TMEM200A: variants seen among roughly 807,000 people sequenced by gnomAD.
The protein encoded by TMEM200A is two transmembrane C.
Under a neutral mutation model 24.3 loss-of-function variants are expected in TMEM200A, and 12 were observed. The ratio of observed to expected loss-of-function variants is 0.49; its 90% confidence interval spans 0.32 to 0.80. TMEM200A has a LOEUF of 0.80. Ranked by LOEUF, TMEM200A falls within the 30% of genes least tolerant of loss-of-function variation. The pLI, the probability that TMEM200A is intolerant of heterozygous loss-of-function variation, is 0.04. For synonymous variants in TMEM200A, 224 were observed against 224.4 expected (o/e 1.00, Z 0.02); for missense variants, 545 against 614.4 (o/e 0.89, Z 1.19).
chr6:130,410,109 G>T (rs1360621629), intron 2 of TMEM200A, among the ~76,000 whole-genome samples: 1 of 152,114 alleles, frequency 6.6e-6, no homozygotes, highest in African/African-American at 2.4e-5. Context: ...TTAAGTTATG[G>T]AATTGAGCCT....
intron 1 of TMEM200A, among the ~76,000 whole-genome samples, chr6:130,376,841 G>T (rs926658748): frequency 6.6e-6 from 1 of 151,876 alleles, no homozygotes; most frequent in Admixed American, 6.6e-5. Context: ...ATATCACTTG[G>T]TCTTATCACA....
At chr6:130,378,337 C>G (rs913868216) in intron 1 of TMEM200A, among the ~76,000 whole-genome samples, 7 of 151,746 alleles carry the variant, frequency 4.6e-5, no homozygotes, top group Admixed American at 1.3e-4. Flanking sequence ...GATTAAAATC[C>G]CAGGTGTCTG....
intron 2 of TMEM200A, among the ~76,000 whole-genome samples, chr6:130,421,510 T>TGTG: frequency 6.7e-6 from 1 of 149,034 alleles, no homozygotes; most frequent in Admixed American, 6.7e-5. Context: ...ACAGTTACCT[T>TGTG]TGTGTGTGTG....
rs377498097 is a variant in TMEM200A, at chr6:130,409,223, C to T, written c.-17+23987C>T. Among the ~76,000 whole-genome samples, 195 of 152,250 alleles carry T rather than the reference C, an allele frequency of 1.3e-3. 4 individuals carry two copies. The South Asian group carries it at 0.036, about 28-fold the overall frequency. On this transcript the variant is annotated intron_variant, in intron 2 of 2. Coordinates refer to ENST00000296978, the MANE Select transcript of TMEM200A (RefSeq NM_001258277.2). ...TTCCCCAATAATCATTTCTAATTCT[C>T]TTGACATCTGCTTCCCATTGGACAT...
intron 2 of TMEM200A, 56 bp from the exon 3 acceptor site, chr6:130,440,351 C>A: frequency 6.9e-7 from 1 of 1,456,656 alleles, no homozygotes; most frequent in Non-Finnish European, 9.1e-7. Flanking sequence ...TGAACTGATG[C>A]TCATACCCCA....
At chr6:130,407,885 C>T (rs898618307) in intron 2 of TMEM200A, among the ~76,000 whole-genome samples, 3 of 152,190 alleles carry the variant, frequency 2.0e-5, no homozygotes, top group African/African-American at 4.8e-5. Context: ...CTGAATTTTA[C>T]GTCTGCTATC....
chr6:130,379,814 G>A (rs1490774055), intron 1 of TMEM200A, among the ~76,000 whole-genome samples: 1 of 152,148 alleles, frequency 6.6e-6, no homozygotes, highest in Non-Finnish European at 1.5e-5. Flanking sequence ...AGGATCATTA[G>A]TATGTAGTTG....
intron 2 of TMEM200A, among the ~76,000 whole-genome samples, chr6:130,390,773 G>T (rs1018245753): frequency 6.6e-6 from 1 of 152,188 alleles, no homozygotes; most frequent in African/African-American, 2.4e-5. Flanking sequence ...TCTAAAGTCA[G>T]CTTCCATGTT....
intron 1 of TMEM200A, among the ~76,000 whole-genome samples, chr6:130,383,658 T>C (rs1285775979): frequency 3.9e-5 from 6 of 152,216 alleles, no homozygotes; most frequent in Admixed American, 3.9e-4. Context: ...GTGGTTGGCA[T>C]CAAGGTAAAA....
intron 2 of TMEM200A, among the ~76,000 whole-genome samples, chr6:130,433,056 G>C (rs1022200440): frequency 5.3e-5 from 8 of 152,046 alleles, no homozygotes; most frequent in Non-Finnish European, 1.2e-4. Flanking sequence ...CATCAAATGA[G>C]GAAGCAAAGA....
intron 2 of TMEM200A, among the ~76,000 whole-genome samples, chr6:130,410,579 T>C (rs371329268): frequency 1.2e-4 from 18 of 152,310 alleles, no homozygotes; most frequent in African/African-American, 4.3e-4. Flanking sequence ...TATCATAATT[T>C]TGTAGTATTT....
At chr6:130,404,239 T>A (rs925069318) in intron 2 of TMEM200A, among the ~76,000 whole-genome samples, 1 of 152,210 alleles carries the variant, frequency 6.6e-6, no homozygotes, top group Non-Finnish European at 1.5e-5. Context: ...TTTATGTCTC[T>A]GAAGAATTGC....
intron 2 of TMEM200A, among the ~76,000 whole-genome samples, chr6:130,389,194 A>G (rs1778779537): frequency 6.6e-6 from 1 of 152,196 alleles, no homozygotes; most frequent in African/African-American, 2.4e-5. Context: ...GCAAATGAAG[A>G]TTTAGTATTG....
intron 2 of TMEM200A, among the ~76,000 whole-genome samples, chr6:130,405,853 C>T (rs936754797): frequency 6.6e-6 from 1 of 152,196 alleles, no homozygotes; most frequent in Non-Finnish European, 1.5e-5. Flanking sequence ...AGACACTGCA[C>T]ATGCTTAACA....
In TMEM200A at chr6:130,442,823, T is replaced by G. The variant is rs1025318055; in HGVS notation, c.*925T>G. ...CCCACATTCTATTTTCCCCCGGTAT[T>G]CTTTAGATCCTAGTATTTGGAAAAC... On this transcript the variant is annotated 3_prime_UTR_variant, in exon 3 of 3. Transcript: ENST00000296978. 1.8e-5 allele frequency: 3 copies of G among 167,072 alleles called. No homozygotes were observed. Among genetic ancestry groups the G allele is most frequent in the African/African-American group, 7.2e-5 (3 of 41,460 alleles). 10.3% of individuals were successfully genotyped at this position (167,072 alleles called of 1,614,324 possible). A position where few individuals can be genotyped will look rare whatever the true frequency, so the allele number is the denominator to read the frequency against.
At chr6:130,387,163 G>GT (rs1360692271) in intron 2 of TMEM200A, among the ~76,000 whole-genome samples, 1 of 152,178 alleles carries the variant, frequency 6.6e-6, no homozygotes, top group Non-Finnish European at 1.5e-5. Context: ...AGGAAAGGAT[G>GT]TTTTTTACCT....
rs763572984 is a variant in TMEM200A at position 130,440,899 on chromosome 6, C to T, written c.477C>T (p.His159=). 1.1e-5 allele frequency: 18 copies of T among 1,614,058 alleles called. No homozygotes were observed. In the South Asian group the frequency reaches 2.0e-4, roughly 18 times the overall value. The change falls in exon 3 of 3, where the codon CAC becomes CAT. Residue 159 remains histidine (H), a synonymous_variant. Transcript: ENST00000296978. ...GTGACAAAGAGACCAAAATCATACA[C>T]ATGAGGGATATCTATTCCACAGTCA... ...ENRDKETKII[H]MRDIYSTVID...
chr6:130,384,152 G>T (rs1035367558), intron 1 of TMEM200A, among the ~76,000 whole-genome samples: 3 of 152,024 alleles, frequency 2.0e-5, no homozygotes, highest in African/African-American at 7.2e-5. Context: ...GAAATCACTT[G>T]TTAAGTACTT....
In TMEM200A at chr6:130,441,650, C is replaced by G. The variant is rs1780188967; in HGVS notation, c.1228C>G (p.Gln410Glu). 2 of 1,613,908 alleles carry G rather than the reference C, an allele frequency of 1.2e-6. No homozygotes were observed. Among genetic ancestry groups the G allele is most frequent in the South Asian group, 1.1e-5 (1 of 91,068 alleles). Residue 410 changes from glutamine (Q) to glutamate (E), a missense_variant, in exon 3 of 3, where the codon CAG becomes GAG. Physicochemically the swap from Gln to Glu is conservative, Grantham distance 29. Transcript: ENST00000296978. ...LDRGPSTLTV[Q>E]AEQRKHPSWP... ...CCGGGGTCCCTCCACTCTAACTGTT[C>G]AGGCAGAACAACGGAAACATCCAAG...
Sources: gnomAD v4.1 joint callset for allele counts (sites outside exome capture counted in the v4.1 genomes callset) on GRCh38, gnomAD v4.1.1 for gene constraint, MANE v1.5 for transcripts, NCBI Gene and HGNC (gene_info 2026-07-23, HGNC 2026-07-21) for gene names.